Variants in E2F8 observed in about 807,000 individuals in gnomAD.
E2F8 encodes the protein E2F transcription factor 8, also known as transcription factor E2F8.
E2F8 carries 35 observed loss-of-function variants against 80.8 expected under a neutral mutation model. The ratio of observed to expected loss-of-function variants is 0.43; its 90% confidence interval spans 0.33 to 0.57. The LOEUF (loss-of-function observed/expected upper bound fraction) is 0.57. Among genes scored for constraint, E2F8 ranks in the 20% least tolerant of loss-of-function variants. The pLI is 0.04. For missense variants in E2F8, 975 were observed against 1,056.2 expected (o/e 0.92, Z 1.07); for synonymous variants, 386 against 395.0 (o/e 0.98, Z 0.27).
At position 19,229,420 on chromosome 11, in the gene E2F8, C is replaced by T; in HGVS notation, c.1893+34G>A. 6.4e-7 allele frequency: 1 copy of T among 1,566,218 alleles called. No homozygotes were observed. Among genetic ancestry groups the T allele is most frequent in the Non-Finnish European group, 8.6e-7 (1 of 1,159,374 alleles). ...TCTTCCTGTAATAGACTAGGGAATT[C>T]CTAAAGCTTTGTGCAGTTCAAGGCT... On this transcript the variant is annotated intron_variant, in intron 10 of 12. Coordinates refer to ENST00000250024, the MANE Select transcript of E2F8 (RefSeq NM_024680.4). This position sits in a 1 kb window ranked among gnomAD's most constrained non-coding sequence, Gnocchi z 4.3.
chr11:19,225,882 AG>A lies in E2F8; in HGVS notation c.1894-19del. ...AACAAGGTCTAGAAAACAAGGAGGA[AG>A]GGTTTATTTTACACACAAATACAGG... On this transcript the variant is annotated intron_variant, in intron 10 of 12. Transcript: ENST00000250024. The A allele has an allele frequency of 6.2e-7, 1 of 1,610,362 alleles. No homozygotes were observed. The highest frequency in any genetic ancestry group is 8.5e-7 in the Non-Finnish European group (1 of 1,178,378).
chr11:19,227,347 CT>C (rs1386670920), intron 10 of E2F8, among the ~76,000 whole-genome samples: 1 of 152,124 alleles, frequency 6.6e-6, no homozygotes, highest in Non-Finnish European at 1.5e-5. Context: ...AATTTAGGTG[CT>C]TTATGAAGAC....
chr11:19,225,270 C>G lies in E2F8; in HGVS notation c.2372G>C (p.Gly791Ala), dbSNP rs748667912. 13 of 1,614,060 alleles carry G rather than the reference C, an allele frequency of 8.1e-6. No individual in the cohort carries two copies. Among genetic ancestry groups the G allele is most frequent in the Non-Finnish European group, 1.1e-5 (13 of 1,180,034 alleles). ...RATNYDSPVP[G>A]QSQPNGQSVA... is the part of the protein sequence containing the mutation. The stretch of plus-strand genomic sequence containing the variant: ...TGATTGTCCATTTGGCTGGCTCTGG[C>G]CTGGGACTGGTGAGTCATAGTTGGT... The change falls in exon 12 of 13, where the codon GGC (glycine) becomes GCC (alanine). Residue 791 changes from glycine to alanine, a missense_variant. Physicochemically the swap from Gly to Ala is moderately conservative, Grantham distance 60. Coordinates refer to ENST00000250024, the MANE Select transcript of E2F8 (RefSeq NM_024680.4).
intron 4 of E2F8, 120 bp downstream of exon 4, chr11:19,237,194 C>T: frequency 9.9e-7 from 1 of 1,005,230 alleles, no homozygotes; most frequent in South Asian, 1.5e-5. Flanking sequence ...TAGAAAATTT[C>T]CATGCCGGCT....
intron 6 of E2F8, 41 bp downstream of exon 6, chr11:19,234,319 T>C: frequency 6.2e-7 from 1 of 1,606,240 alleles, no homozygotes; most frequent in Non-Finnish European, 8.5e-7. Flanking sequence ...TTTTATTGTT[T>C]AAGAATAGGT....
At chr11:19,227,404 T>C (rs1698557555) in intron 10 of E2F8, among the ~76,000 whole-genome samples, 1 of 152,216 alleles carries the variant, frequency 6.6e-6, no homozygotes, top group African/African-American at 2.4e-5. Context: ...GTACAAATTA[T>C]TCTGACTGCT....
intron 3 of E2F8, 50 bp downstream of exon 3, chr11:19,237,804 C>T (rs376159333): frequency 3.0e-4 from 469 of 1,567,640 alleles, no homozygotes; most frequent in Non-Finnish European, 2.5e-4. Flanking sequence ...CAACCTCCCC[C>T]CTCCCCCCAA....
chr11:19,230,427 C>T, intron 8 of E2F8, 99 bp from the exon 9 acceptor site: 4 of 1,294,138 alleles, frequency 3.1e-6, no homozygotes, highest in Non-Finnish European at 3.2e-6. Context: ...AAAGTGTGCA[C>T]CTCCCCTCAA....
rs377703121 is a variant in E2F8 at position 19,224,801 on chromosome 11, C to T, written c.2461G>A (p.Glu821Lys). ...CCACCTGGGGTACGGAAGAAACTTTCGGCCACTAATTGTGACCCTTTGGGT... is the reference window on the plus strand; with the variant it reads ...CCACCTGGGGTACGGAAGAAACTTTTGGCCACTAATTGTGACCCTTTGGGT... ...VTPKGSQLVAESFFRTPGGPT... is the reference protein window; with the variant it reads ...VTPKGSQLVAKSFFRTPGGPT... The change falls in exon 13 of 13, where the codon GAA becomes AAA. Residue 821 changes from glutamate to lysine, a missense_variant. By Grantham distance (56) the Glu-to-Lys change is moderately conservative. Coordinates refer to ENST00000250024, the MANE Select transcript of E2F8 (RefSeq NM_024680.4). 269 of 1,614,000 alleles carry T rather than the reference C, an allele frequency of 1.7e-4. No homozygotes were observed. The highest frequency in any genetic ancestry group is 1.3e-3 in the Middle Eastern group (8 of 6,084).
At chr11:19,226,705 A>C (rs776052456) in intron 10 of E2F8, among the ~76,000 whole-genome samples, 8 of 152,324 alleles carry the variant, frequency 5.3e-5, no homozygotes, top group South Asian at 4.1e-4. Flanking sequence ...CTTAAAACCC[A>C]AAAAATGTCT....
At chr11:19,232,556 T>C (rs1384433302) in intron 6 of E2F8, among the ~76,000 whole-genome samples, 185 bp from the exon 7 acceptor site, 3 of 152,304 alleles carry the variant, frequency 2.0e-5, no homozygotes, top group Admixed American at 6.5e-5. Context: ...GTTTTAAATA[T>C]TTAAAAGACT....
intron 4 of E2F8, 96 bp from the exon 5 acceptor site, chr11:19,235,154 G>A: frequency 9.0e-7 from 1 of 1,113,156 alleles, no homozygotes; most frequent in Non-Finnish European, 1.3e-6. Context: ...AGTAGGTCTT[G>A]GATAATATCA....
chr11:19,226,033 TCCCACCC>T, intron 10 of E2F8, 169 bp from the exon 11 acceptor site: 1 of 680,748 alleles, frequency 1.5e-6, no homozygotes, highest in Admixed American at 2.8e-5. Flanking sequence ...GAGAATACCC[TCCCACCC>T]TTCCCAATGC....
chr11:19,225,234 G>A lies in E2F8; in HGVS notation c.2408C>T (p.Thr803Ile). The part of the protein sequence containing the change: ...SQPNGQSVAV[T>I]GAQQPVPVTP... ...AAAGCCTCTCACCTGTTGTGCCCCT[G>A]TCACAGCAACTGATTGTCCATTTGG... The change falls in exon 12 of 13, where the codon ACA becomes ATA. Residue 803 changes from threonine to isoleucine, a missense_variant. By Grantham distance (89) the Thr-to-Ile change is moderately conservative. Coordinates refer to ENST00000250024, the MANE Select transcript of E2F8 (RefSeq NM_024680.4). The A allele has an allele frequency of 1.9e-6, 3 of 1,613,464 alleles. No homozygotes were observed. The highest frequency in any genetic ancestry group is 2.5e-6 in the Non-Finnish European group (3 of 1,179,992).
chr11:19,238,155 T>A (rs1353303815), intron 2 of E2F8, 23 bp from the exon 3 acceptor site: 1 of 1,588,576 alleles, frequency 6.3e-7, no homozygotes, highest in East Asian at 2.2e-5. Flanking sequence ...ATGTAAATAA[T>A]TAAATCCATG....
At position 19,229,618 on chromosome 11, in the gene E2F8, T is replaced by C; in HGVS notation, c.1729A>G (p.Thr577Ala). ...GCTGGCAGCAAGCTTCCAGGCCTGG[T>C]AGAGGCACTGGCCTTTGAGGTATCA... ...ANDTSKASAS[T>A]RPGSLLPAPE... Residue 577 changes from threonine to alanine, a missense_variant, in exon 10 of 13, where the codon ACC (threonine) becomes GCC (alanine). Coordinates refer to ENST00000250024, the MANE Select transcript of E2F8 (RefSeq NM_024680.4). The surrounding 1 kb of genome is among the most constrained non-coding windows in gnomAD (Gnocchi z 4.3). 6.2e-7 allele frequency: 1 copy of C among 1,614,164 alleles called. No homozygotes were observed. The highest frequency in any genetic ancestry group is 8.5e-7 in the Non-Finnish European group (1 of 1,180,038).
In E2F8 at chr11:19,237,376, G is replaced by A; in HGVS notation, c.389C>T (p.Pro130Leu). 6.2e-7 allele frequency: 1 copy of A among 1,614,154 alleles called. No individual in the cohort carries two copies. Among genetic ancestry groups the A allele is most frequent in the Non-Finnish European group, 8.5e-7 (1 of 1,180,004 alleles). The change falls in exon 4 of 13, where the codon CCT (proline) becomes CTT (leucine). Residue 130 changes from proline (P) to leucine (L), a missense_variant. Transcript: ENST00000250024. ...LLCHKFLARY[P>L]NYPNPAVNND... ...ATTCACAGCAGGGTTGGGATAATTA[G>A]GATATCGTGCTAAGAACTTATGACA...
chr11:19,232,094 G>C (rs1342855860), intron 7 of E2F8, 140 bp downstream of exon 7: 1 of 1,221,794 alleles, frequency 8.2e-7, no homozygotes, highest in East Asian at 2.4e-5. Flanking sequence ...ATCAAACACT[G>C]CATGTTCTCA....
chr11:19,233,186 G>C (rs1851424499), intron 6 of E2F8, among the ~76,000 whole-genome samples: 1 of 152,166 alleles, frequency 6.6e-6, no homozygotes. Flanking sequence ...CCCGAGCCAA[G>C]TGCTCCTCCC....
Sources: gnomAD v4.1 joint callset for allele counts (sites outside exome capture counted in the v4.1 genomes callset) on GRCh38, gnomAD v4.1.1 for gene constraint, Gnocchi (gnomAD v3.1) non-coding constraint, MANE v1.5 for transcripts, NCBI Gene and HGNC (gene_info 2026-07-23, HGNC 2026-07-21) for gene names.